PTPRK: variants seen among roughly 807,000 people sequenced by gnomAD.
The protein encoded by PTPRK is receptor-type tyrosine-protein phosphatase kappa.
A neutral mutation model predicts 178.0 loss-of-function variants in PTPRK; 75 were observed. The observed-to-expected ratio is 0.42, with a 90% CI of 0.35 to 0.51. The LOEUF (loss-of-function observed/expected upper bound fraction) is 0.51, where lower values mean the gene tolerates loss of function less well. Ranked by LOEUF, PTPRK falls within the 20% of genes least tolerant of loss-of-function variation. The pLI is 0.02. For missense variants in PTPRK, 1,441 were observed against 1,797.8 expected (o/e 0.80, Z 3.59); for synonymous variants, 637 against 620.6 (o/e 1.03, Z -0.39).
At chr6:128,368,401 AC>A (rs936372761) in intron 2 of PTPRK, among the ~76,000 whole-genome samples, 10 of 151,486 alleles carry the variant, frequency 6.6e-5, no homozygotes, top group East Asian at 1.9e-4. Flanking sequence ...AAAAAAAAAA[AC>A]GTCAAAGTGC....
At chr6:128,409,584 T>C (rs1842067054) in intron 1 of PTPRK, among the ~76,000 whole-genome samples, 1 of 152,194 alleles carries the variant, frequency 6.6e-6, no homozygotes, top group South Asian at 2.1e-4. Flanking sequence ...TTCCTAGAAA[T>C]AGCATTTTCA....
In PTPRK at chr6:128,219,019, C is replaced by T; in HGVS notation, c.771G>A (p.Leu257=). ...CCTGGTCAGTTTTTGTCACTTCTTGCAATCTGAAGGAAGCGGCAAACCTTC... is the reference window on the plus strand; with the variant it reads ...CCTGGTCAGTTTTTGTCACTTCTTGTAATCTGAAGGAAGCGGCAAACCTTC... ...NHRRFAASFR[L]QEVTKTDQDL... Residue 257 remains leucine (L), a synonymous_variant, in exon 6 of 30, where the codon TTG becomes TTA. Coordinates refer to ENST00000368226, the MANE Select transcript of PTPRK (RefSeq NM_002844.4). 6.2e-7 allele frequency: 1 copy of T among 1,613,964 alleles called. No individual in the cohort carries two copies. Among genetic ancestry groups the T allele is most frequent in the Non-Finnish European group, 8.5e-7 (1 of 1,179,854 alleles).
intron 6 of PTPRK, among the ~76,000 whole-genome samples, chr6:128,188,265 A>G (rs993702788): frequency 1.3e-5 from 2 of 152,164 alleles, no homozygotes; most frequent in Non-Finnish European, 2.9e-5. Context: ...ATAATTTTTA[A>G]AAGTGTCTTG....
chr6:128,012,868 G>T (rs1730919808), intron 13 of PTPRK, among the ~76,000 whole-genome samples: 2 of 151,268 alleles, frequency 1.3e-5, no homozygotes, highest in Admixed American at 6.6e-5. Context: ...TGTCTTCAGA[G>T]ACATTATTGT....
At chr6:128,349,859 G>C (rs1028282676) in intron 2 of PTPRK, among the ~76,000 whole-genome samples, 1 of 152,006 alleles carries the variant, frequency 6.6e-6, no homozygotes, top group Non-Finnish European at 1.5e-5. Flanking sequence ...GATTATAGGA[G>C]ACTTATGGGT....
chr6:128,453,120 T>G (rs571190547), intron 1 of PTPRK, among the ~76,000 whole-genome samples: 4 of 152,330 alleles, frequency 2.6e-5, no homozygotes, highest in African/African-American at 9.6e-5. Flanking sequence ...ATTGGTCTAA[T>G]CAAAATACCA....
At chr6:128,365,727 T>A (rs914518978) in intron 2 of PTPRK, among the ~76,000 whole-genome samples, 1 of 152,076 alleles carries the variant, frequency 6.6e-6, no homozygotes, top group Non-Finnish European at 1.5e-5. Context: ...AACAGGTACC[T>A]CTCCTGGCTG....
At chr6:128,370,593 T>TA (rs1024471861) in intron 2 of PTPRK, among the ~76,000 whole-genome samples, 20 of 152,126 alleles carry the variant, frequency 1.3e-4, no homozygotes, top group African/African-American at 4.8e-4. Flanking sequence ...ACTTTTCTCA[T>TA]AAAAAATTTC....
chr6:128,378,084 T>C (rs781171463), intron 2 of PTPRK, among the ~76,000 whole-genome samples: 5 of 152,148 alleles, frequency 3.3e-5, no homozygotes, highest in Non-Finnish European at 7.4e-5. Context: ...TAACCACAAA[T>C]ATTAAGGTGA....
intron 7 of PTPRK, among the ~76,000 whole-genome samples, chr6:128,144,171 A>ATC (rs1796158885): frequency 1.3e-5 from 2 of 152,112 alleles, no homozygotes; most frequent in Non-Finnish European, 2.9e-5. Context: ...TTCCTCAAAC[A>ATC]TGATGCTTCT....
chr6:127,973,223 T>C (rs1774144804), intron 28 of PTPRK, 66 bp from the exon 29 acceptor site: 3 of 1,586,638 alleles, frequency 1.9e-6, no homozygotes, highest in South Asian at 1.1e-5. Flanking sequence ...CACACCATCA[T>C]ATATGTTTGG....
intron 3 of PTPRK, among the ~76,000 whole-genome samples, chr6:128,263,875 G>C (rs1818549483): frequency 6.6e-6 from 1 of 152,220 alleles, no homozygotes; most frequent in South Asian, 2.1e-4. Context: ...GACTCTAAGG[G>C]CTTCCCAGGC....
chr6:128,369,763 C>T (rs1356333105), intron 2 of PTPRK, among the ~76,000 whole-genome samples: 4 of 152,158 alleles, frequency 2.6e-5, no homozygotes, highest in East Asian at 1.9e-4. Flanking sequence ...GCCACAAAGA[C>T]GTGGATGCCA....
intron 22 of PTPRK, 79 bp from the exon 23 acceptor site, chr6:127,983,456 C>G: frequency 6.9e-7 from 1 of 1,457,592 alleles, no homozygotes; most frequent in East Asian, 2.3e-5. Context: ...TTTCCACTGT[C>G]AGATAGGTAG....
At chr6:128,041,149 T>G (rs377274417) in intron 13 of PTPRK, among the ~76,000 whole-genome samples, 1 of 152,096 alleles carries the variant, frequency 6.6e-6, no homozygotes, top group Non-Finnish European at 1.5e-5. Context: ...CATAATTTAT[T>G]TGAGAAAACC....
chr6:128,490,096 A>T (rs1371038524), intron 1 of PTPRK, among the ~76,000 whole-genome samples: 1 of 152,190 alleles, frequency 6.6e-6, no homozygotes, highest in Non-Finnish European at 1.5e-5. Context: ...GGTCACTTTA[A>T]TTCAAACAAC....
chr6:128,256,866 A>G (rs1207396776), intron 3 of PTPRK, among the ~76,000 whole-genome samples: 1 of 152,222 alleles, frequency 6.6e-6, no homozygotes, highest in Non-Finnish European at 1.5e-5. Context: ...AAAGACTGAC[A>G]AGAGGAAATA....
chr6:128,092,238 AT>A (rs1172261794), intron 7 of PTPRK, among the ~76,000 whole-genome samples: 1 of 152,104 alleles, frequency 6.6e-6, no homozygotes, highest in Admixed American at 6.6e-5. Context: ...TGAAATTGAC[AT>A]TTTTTTCCAC....
intron 6 of PTPRK, among the ~76,000 whole-genome samples, chr6:128,191,659 A>G (rs1237365981): frequency 6.6e-6 from 1 of 152,104 alleles, no homozygotes; most frequent in Non-Finnish European, 1.5e-5. Flanking sequence ...ATACCAAAAG[A>G]CCACATTGTA....
Sources: allele counts gnomAD v4.1 joint callset (sites outside exome capture counted in the v4.1 genomes callset), GRCh38; gene constraint gnomAD v4.1.1; transcripts MANE v1.5; gene names NCBI Gene and HGNC (gene_info 2026-07-23, HGNC 2026-07-21).